CHRM3: variants seen among roughly 807,000 people sequenced by gnomAD.
CHRM3 encodes the protein cholinergic receptor muscarinic 3, also known as muscarinic acetylcholine receptor M3.
A neutral mutation model predicts 41.8 loss-of-function variants in CHRM3; 11 were observed. That is an observed-to-expected ratio of 0.26 (90% CI 0.17 to 0.44). CHRM3 has a LOEUF of 0.44. CHRM3 is among the 20% of genes least tolerant of loss of function. The pLI is 1.00. For synonymous variants in CHRM3, 297 were observed against 301.4 expected, an observed-to-expected ratio of 0.99 and a Z score of 0.15; for missense variants, 571 against 745.4, an observed-to-expected ratio of 0.77 and a Z score of 2.72.
At chr1:239,689,267 T>C (rs1054575536) in intron 5 of CHRM3, among the ~76,000 whole-genome samples, 12 of 151,856 alleles carry the variant, frequency 7.9e-5, no homozygotes, top group African/African-American at 2.9e-4. Context: ...CTCAGTTTAC[T>C]TTTTTTTCAG....
chr1:239,898,837 C>A (rs1553299788), intron 6 of CHRM3, among the ~76,000 whole-genome samples: 1 of 152,164 alleles, frequency 6.6e-6, no homozygotes, highest in Non-Finnish European at 1.5e-5. Flanking sequence ...GATATTTACA[C>A]ATTTTTAAAT....
At chr1:239,481,352 C>T (rs938185845) in intron 1 of CHRM3, among the ~76,000 whole-genome samples, 27 of 152,128 alleles carry the variant, frequency 1.8e-4, no homozygotes, top group Non-Finnish European at 5.9e-5. Context: ...TTTTTTACTG[C>T]ACTTTATTTA....
intron 3 of CHRM3, among the ~76,000 whole-genome samples, chr1:239,583,494 C>T (rs997052989): frequency 1.6e-4 from 25 of 152,080 alleles, no homozygotes; most frequent in Admixed American, 3.9e-4. Flanking sequence ...GTTGGGAAGA[C>T]GGGACGTCGA....
chr1:239,659,919 G>A (rs1673035374), intron 4 of CHRM3, among the ~76,000 whole-genome samples: 1 of 152,252 alleles, frequency 6.6e-6, no homozygotes, highest in South Asian at 2.1e-4. Flanking sequence ...AAGACCATCA[G>A]TGATCTTTGT....
chr1:239,480,533 C>T (rs1038100925), intron 1 of CHRM3, among the ~76,000 whole-genome samples: 272 of 147,388 alleles, frequency 1.8e-3, no homozygotes, highest in Middle Eastern at 7.1e-3. Context: ...GGTAATCCTA[C>T]GATAGCCCAA....
intron 3 of CHRM3, among the ~76,000 whole-genome samples, chr1:239,558,340 T>G (rs970371172): frequency 3.3e-5 from 5 of 152,180 alleles, no homozygotes; most frequent in Non-Finnish European, 7.4e-5. Flanking sequence ...TTTTTGTAAG[T>G]TTGCTTAAGT....
chr1:239,859,503 G>T (rs1247887210), intron 6 of CHRM3, among the ~76,000 whole-genome samples: 3 of 147,768 alleles, frequency 2.0e-5, no homozygotes, highest in Non-Finnish European at 4.5e-5. Context: ...TCTGCTCACT[G>T]CAAACTCCGC....
intron 4 of CHRM3, among the ~76,000 whole-genome samples, chr1:239,641,798 TC>T (rs202212368): frequency 0.35 from 40,939 of 117,684 alleles, 11,733 homozygotes; most frequent in East Asian, 0.75. Flanking sequence ...GTGAATTTGA[TC>T]CTGTCATTAT....
At chr1:239,817,693 C>G (rs1013407131) in intron 5 of CHRM3, among the ~76,000 whole-genome samples, 1 of 151,884 alleles carries the variant, frequency 6.6e-6, no homozygotes, top group Non-Finnish European at 1.5e-5. Flanking sequence ...CACAGTGCTC[C>G]CTCTACACAC....
intron 2 of CHRM3, among the ~76,000 whole-genome samples, chr1:239,532,533 G>A (rs530957308): frequency 6.6e-6 from 1 of 151,078 alleles, no homozygotes; most frequent in South Asian, 2.1e-4. Flanking sequence ...GCTGAGGCAG[G>A]AGAATGGCGT....
chr1:239,764,740 AT>A (rs1667066386), intron 5 of CHRM3, among the ~76,000 whole-genome samples: 1 of 152,218 alleles, frequency 6.6e-6, no homozygotes, highest in South Asian at 2.1e-4. Context: ...TCAATAAATC[AT>A]TTTGGCAAGA....
At chr1:239,573,317 G>T (rs1267163293) in intron 3 of CHRM3, among the ~76,000 whole-genome samples, 1 of 152,144 alleles carries the variant, frequency 6.6e-6, no homozygotes, top group Non-Finnish European at 1.5e-5. Flanking sequence ...AAGAGATGAG[G>T]ATGCTGAGTA....
At chr1:239,398,993 A>G (rs1237847002) in intron 1 of CHRM3, among the ~76,000 whole-genome samples, 1 of 152,194 alleles carries the variant, frequency 6.6e-6, no homozygotes, top group African/African-American at 2.4e-5. Context: ...TTGAAAGCAG[A>G]TTAAAAAAGA....
At chr1:239,676,258 A>C (rs1041027026) in intron 4 of CHRM3, among the ~76,000 whole-genome samples, 1 of 152,172 alleles carries the variant, frequency 6.6e-6, no homozygotes, top group Non-Finnish European at 1.5e-5. Flanking sequence ...TCTGCAGGGG[A>C]AATTTGAGGA....
At chr1:239,470,543 G>T (rs1172386440) in intron 1 of CHRM3, among the ~76,000 whole-genome samples, 1 of 152,172 alleles carries the variant, frequency 6.6e-6, no homozygotes, top group Non-Finnish European at 1.5e-5. Flanking sequence ...AATTGTGGAG[G>T]TGTTTACACA....
intron 6 of CHRM3, among the ~76,000 whole-genome samples, chr1:239,874,934 G>A (rs1176707169): frequency 6.6e-6 from 1 of 151,856 alleles, no homozygotes; most frequent in Non-Finnish European, 1.5e-5. Context: ...CTCAGCCTCA[G>A]GTGATCCGCC....
At chr1:239,881,092 G>A (rs898062432) in intron 6 of CHRM3, among the ~76,000 whole-genome samples, 1 of 151,788 alleles carries the variant, frequency 6.6e-6, no homozygotes, top group African/African-American at 2.4e-5. Context: ...GACCATCCTG[G>A]CTAACACGGT....
intron 2 of CHRM3, among the ~76,000 whole-genome samples, chr1:239,513,435 C>A (rs1230738600): frequency 6.6e-6 from 1 of 152,068 alleles, no homozygotes; most frequent in Non-Finnish European, 1.5e-5. Context: ...TCTTGGTGAG[C>A]AATCAGTCAA....
intron 5 of CHRM3, among the ~76,000 whole-genome samples, chr1:239,756,768 A>G (rs562314803): frequency 1.9e-4 from 29 of 152,314 alleles, no homozygotes; most frequent in African/African-American, 6.5e-4. Context: ...AGCATAGGTA[A>G]ACTGTTCACT....
Sources: gnomAD v4.1 joint callset for allele counts (sites outside exome capture counted in the v4.1 genomes callset) on GRCh38, gnomAD v4.1.1 for gene constraint, MANE v1.5 for transcripts, NCBI Gene and HGNC (gene_info 2026-07-23, HGNC 2026-07-21) for gene names.